Variants in PCDH15 observed in about 807,000 individuals in gnomAD.
PCDH15 encodes protocadherin related 15.
A neutral mutation model predicts 178.5 loss-of-function variants in PCDH15; 129 were observed. The observed-to-expected ratio is 0.72, with a 90% CI of 0.63 to 0.84. The LOEUF is 0.84. Ranked by LOEUF, PCDH15 falls within the 40% of genes least tolerant of loss-of-function variation. The pLI is 0.00. For synonymous variants in PCDH15, 800 were observed against 732.0 expected (o/e 1.09, Z -1.50); for missense variants, 2,230 against 2,099.9 (o/e 1.06, Z -1.21).
chr10:54,453,097 C>T (rs905237164), intron 3 of PCDH15, among the ~76,000 whole-genome samples: 5 of 152,106 alleles, frequency 3.3e-5, no homozygotes, highest in East Asian at 1.9e-4. Context: ...GTCAGTGTGG[C>T]GATTCTTCAG....
At chr10:54,698,775 C>G (rs938784421) in intron 1 of PCDH15, among the ~76,000 whole-genome samples, 4 of 152,072 alleles carry the variant, frequency 2.6e-5, no homozygotes, top group African/African-American at 9.7e-5. Context: ...CCAACATTTA[C>G]CTAGTGCCTT....
At chr10:54,317,922 TCTTGAAAGTATG>T (rs1355042037) in intron 7 of PCDH15, among the ~76,000 whole-genome samples, 1 of 152,206 alleles carries the variant, frequency 6.6e-6, no homozygotes, top group Admixed American at 6.5e-5. Context: ...AAAGCAACTT[TCTTGAAAGTATG>T]TTACAGTAGT....
intron 2 of PCDH15, among the ~76,000 whole-genome samples, chr10:55,537,484 G>T (rs1841606681): frequency 6.6e-6 from 1 of 152,054 alleles, no homozygotes; most frequent in Non-Finnish European, 1.5e-5. Context: ...TGCCCAGGCT[G>T]GAGTGCAGTG....
At chr10:54,379,333 GA>G (rs1201447824) in intron 3 of PCDH15, among the ~76,000 whole-genome samples, 2 of 151,926 alleles carry the variant, frequency 1.3e-5, no homozygotes, top group African/African-American at 4.8e-5. Context: ...CCTCTGATGT[GA>G]AAAAAAGATA....
intron 2 of PCDH15, among the ~76,000 whole-genome samples, chr10:55,624,022 AT>A (rs1277162155): frequency 1.3e-5 from 2 of 150,646 alleles, no homozygotes; most frequent in Admixed American, 6.6e-5. Flanking sequence ...AATTCTTTAT[AT>A]TTTTTTACAT....
intron 3 of PCDH15, among the ~76,000 whole-genome samples, chr10:54,875,144 G>A (rs1196662676): frequency 6.6e-6 from 1 of 152,134 alleles, no homozygotes; most frequent in African/African-American, 2.4e-5. Context: ...GTGTCACACT[G>A]TGGTAGTTCT....
chr10:55,423,544 T>A (rs56122261), intron 2 of PCDH15, among the ~76,000 whole-genome samples: 2 of 151,802 alleles, frequency 1.3e-5, no homozygotes, highest in Admixed American at 6.6e-5. Flanking sequence ...TTTCCAGAGC[T>A]AATTAGCTCA....
intron 2 of PCDH15, among the ~76,000 whole-genome samples, chr10:55,090,689 A>G (rs1488451779): frequency 6.6e-6 from 1 of 152,076 alleles, no homozygotes; most frequent in Admixed American, 6.6e-5. Flanking sequence ...TATATCAACA[A>G]ACACGCAATG....
chr10:55,385,326 G>A (rs1437588589), intron 2 of PCDH15, among the ~76,000 whole-genome samples: 2 of 151,996 alleles, frequency 1.3e-5, no homozygotes, highest in African/African-American at 4.8e-5. Context: ...ATTACCAATG[G>A]AAAGATAGAT....
intron 1 of PCDH15, among the ~76,000 whole-genome samples, chr10:54,759,260 G>A (rs560594623): frequency 5.3e-5 from 8 of 152,034 alleles, no homozygotes; most frequent in Admixed American, 2.0e-4. Flanking sequence ...GAACACTACC[G>A]GGCAAACACC....
At chr10:53,875,312 CAT>C (rs1450911308) in intron 26 of PCDH15, among the ~76,000 whole-genome samples, 1 of 146,820 alleles carries the variant, frequency 6.8e-6, no homozygotes, top group African/African-American at 2.5e-5. Flanking sequence ...TGGGAAAATT[CAT>C]AGAGATATTT....
chr10:53,896,881 A>G (rs1056858522), intron 26 of PCDH15, among the ~76,000 whole-genome samples: 6 of 152,278 alleles, frequency 3.9e-5, no homozygotes, highest in Middle Eastern at 6.8e-3. Context: ...AGTTTCAGAA[A>G]AACAAGATCA....
At chr10:54,460,915 T>G (rs1430966395) in intron 3 of PCDH15, among the ~76,000 whole-genome samples, 2 of 152,120 alleles carry the variant, frequency 1.3e-5, no homozygotes, top group Admixed American at 6.6e-5. Context: ...GGAGAAATCA[T>G]GACATTAAAA....
chr10:54,058,645 C>A (rs1336264303), intron 18 of PCDH15, among the ~76,000 whole-genome samples: 2 of 151,942 alleles, frequency 1.3e-5, no homozygotes, highest in Non-Finnish European at 2.9e-5. Flanking sequence ...GGGGATACAA[C>A]CAAACCATAT....
chr10:55,070,492 C>T (rs1329160677), intron 2 of PCDH15, among the ~76,000 whole-genome samples: 1 of 152,122 alleles, frequency 6.6e-6, no homozygotes, highest in Non-Finnish European at 1.5e-5. Flanking sequence ...CAGCTTTCTA[C>T]CTATGGCTAG....
intron 2 of PCDH15, among the ~76,000 whole-genome samples, chr10:55,497,194 A>G (rs1840553628): frequency 6.6e-6 from 1 of 151,888 alleles, no homozygotes; most frequent in Non-Finnish European, 1.5e-5. Context: ...CAGTGCTGCA[A>G]TCATCACTGG....
chr10:54,827,011 A>G (rs1953143240), intron 3 of PCDH15, among the ~76,000 whole-genome samples: 1 of 152,098 alleles, frequency 6.6e-6, no homozygotes, highest in African/African-American at 2.4e-5. Context: ...AAAACACACA[A>G]AAACATCCTG....
intron 32 of PCDH15, chr10:53,822,873 T>C (rs2076391682): frequency 1.9e-6 from 3 of 1,613,986 alleles, no homozygotes; most frequent in African/African-American, 1.3e-5. Context: ...GCTACCTCTT[T>C]TGTTTGTACA....
At chr10:54,800,875 T>C (rs1331262327) in intron 1 of PCDH15, 50 bp downstream of exon 1, 3 of 152,214 alleles carry the variant, frequency 2.0e-5, no homozygotes, top group African/African-American at 7.2e-5. Context: ...TGTGGTTCAC[T>C]GCTGCCTTAA....
Sources: allele counts gnomAD v4.1 joint callset (sites outside exome capture counted in the v4.1 genomes callset), GRCh38; gene constraint gnomAD v4.1.1; transcripts MANE v1.5; gene names NCBI Gene and HGNC (gene_info 2026-07-23, HGNC 2026-07-21).